The following CADM1 variants were observed in gnomAD, a reference collection of about 807,000 sequenced individuals.
CADM1 encodes the protein cell adhesion molecule 1.
CADM1 carries 15 observed loss-of-function variants against 53.1 expected under a neutral mutation model. The observed-to-expected ratio is 0.28, with a 90% CI of 0.19 to 0.44. The LOEUF is 0.44. Among genes scored for constraint, CADM1 ranks in the 20% least tolerant of loss-of-function variants. The probability of loss-of-function intolerance (pLI) is 1.00; values close to 1 mark genes in which losing one functional copy is unlikely to be tolerated. For synonymous variants in CADM1, 281 were observed against 243.0 expected, an observed-to-expected ratio of 1.16 and a Z score of -1.45; for missense variants, 434 against 611.3, an observed-to-expected ratio of 0.71 and a Z score of 3.06.
Position 115,213,496 on chromosome 11 carries a change from A to AC in CADM1, c.994+1111dup, listed in dbSNP as rs375024107. Among the ~76,000 whole-genome samples, 715 of 151,474 alleles carry AC rather than the reference A, an allele frequency of 4.7e-3. 5 individuals carry two copies. The highest frequency in any genetic ancestry group is 0.016 in the African/African-American group (658 of 41,192). ...AATTTTGCATTATGCTAGGAAAAAA[A>AC]CCTCAGGTATAGGCTAAGGATTATA... On this transcript the variant is annotated intron_variant, in intron 7 of 11. Coordinates refer to ENST00000331581, the MANE Select transcript of CADM1 (RefSeq NM_001301043.2).
chr11:115,305,322 C>T (rs1429866713), intron 1 of CADM1, among the ~76,000 whole-genome samples: 1 of 152,040 alleles, frequency 6.6e-6, no homozygotes, highest in Non-Finnish European at 1.5e-5. Context: ...ATTATATACA[C>T]AGACCTCAAC....
intron 1 of CADM1, among the ~76,000 whole-genome samples, chr11:115,295,285 C>T (rs1944020961): frequency 6.6e-6 from 1 of 151,006 alleles, no homozygotes; most frequent in African/African-American, 2.4e-5. Context: ...CGTCCACCTG[C>T]TCTTCCTTCT....
intron 1 of CADM1, among the ~76,000 whole-genome samples, chr11:115,319,421 A>C (rs1473359084): frequency 6.6e-6 from 1 of 152,160 alleles, no homozygotes; most frequent in African/African-American, 2.4e-5. Flanking sequence ...TTTTTGTGGA[A>C]GCACCATACG....
chr11:115,304,819 T>C (rs891855458), intron 1 of CADM1, among the ~76,000 whole-genome samples: 2 of 152,026 alleles, frequency 1.3e-5, no homozygotes, highest in African/African-American at 4.8e-5. Flanking sequence ...TTTTATTAAG[T>C]GCCTATTGTC....
intron 7 of CADM1, among the ~76,000 whole-genome samples, chr11:115,211,403 A>C (rs560351717): frequency 7.3e-4 from 110 of 151,414 alleles, no homozygotes; most frequent in African/African-American, 2.6e-3. Context: ...TTTTGCTTCA[A>C]TTACTATATC....
intron 1 of CADM1, among the ~76,000 whole-genome samples, chr11:115,418,946 C>T (rs2135265178): frequency 6.6e-6 from 1 of 152,200 alleles, no homozygotes; most frequent in East Asian, 1.9e-4. Flanking sequence ...ATTTAGAATA[C>T]AAATATTACA....
In CADM1 at chr11:115,240,334, C is replaced by T. The variant is rs745679451; in HGVS notation, c.211G>A (p.Asp71Asn). The T allele has an allele frequency of 1.7e-5, 27 of 1,613,564 alleles. 1 individual carries two copies. The South Asian group carries it at 1.8e-4, about 11-fold the overall frequency. The change falls in exon 2 of 12, where the codon GAC (aspartate) becomes AAC (asparagine). Residue 71 changes from aspartate to asparagine, a missense_variant. Around this residue, in one of 4 missense-constraint regions of CADM1, gnomAD observed 31 missense variants for 74.6 expected, o/e 0.42. Coordinates refer to ENST00000331581, the MANE Select transcript of CADM1 (RefSeq NM_001301043.2). ...TISCQVNKSD[D>N]SVIQLLNPNR... ...GGATTCAGTAGCTGAATCACAGAGT[C>T]GTCACTCTTATTGACTTGGCAACTG...
chr11:115,325,103 T>C (rs1014140060), intron 1 of CADM1, among the ~76,000 whole-genome samples: 5 of 152,208 alleles, frequency 3.3e-5, no homozygotes, highest in African/African-American at 1.2e-4. Context: ...TTTAAAGCCA[T>C]TAGCATCCCT....
chr11:115,250,648 T>TA (rs55897126), intron 1 of CADM1, among the ~76,000 whole-genome samples: 1 of 152,362 alleles, frequency 6.6e-6, no homozygotes, highest in Non-Finnish European at 1.5e-5. Flanking sequence ...GATATTCTTT[T>TA]AATCATCTGC....
At chr11:115,383,668 T>C (rs915134313) in intron 1 of CADM1, among the ~76,000 whole-genome samples, 1 of 152,168 alleles carries the variant, frequency 6.6e-6, no homozygotes, top group Non-Finnish European at 1.5e-5. Context: ...TTTCCCCCCA[T>C]GACTTGCTTA....
At chr11:115,384,809 T>C (rs1946659921) in intron 1 of CADM1, among the ~76,000 whole-genome samples, 1 of 152,200 alleles carries the variant, frequency 6.6e-6, no homozygotes, top group South Asian at 2.1e-4. Context: ...AATAATGTTT[T>C]CATTTTAAAC....
intron 1 of CADM1, among the ~76,000 whole-genome samples, chr11:115,295,506 TTATATATATATATATATATATATATATA>T (rs71066412): frequency 2.2e-4 from 12 of 55,056 alleles, no homozygotes; most frequent in Admixed American, 6.1e-4. Context: ...TCAAGATATT[TTATATATATATATATATATATATATATA>T]TATATATATA....
In CADM1 at chr11:115,422,730, A is replaced by G. The variant is rs886647943; in HGVS notation, c.124+81541T>C. 3.3e-5 allele frequency among the ~76,000 whole-genome samples: 5 copies of G among 152,216 alleles called. No homozygotes were observed. In the South Asian group the frequency reaches 1.0e-3, roughly 32 times the overall value. On this transcript the variant is annotated intron_variant, in intron 1 of 11. Transcript: ENST00000331581. ...CCTTTGAAAACATAAGAGAAAAACT[A>G]TAAGCTGATCTTTAACATTAAATAT...
intron 8 of CADM1, among the ~76,000 whole-genome samples, chr11:115,203,340 G>A (rs182423589): frequency 1.1e-3 from 163 of 152,246 alleles, no homozygotes; most frequent in African/African-American, 3.9e-3. Context: ...CTCAGTGGAA[G>A]GGGGTACAGA....
chr11:115,176,239 A>C lies in CADM1; in HGVS notation c.*235T>G. ...AAGTATCCAAGTTTGACTTGGTAGG[A>C]AGAAATAAAAATTAAACAAACAAAC... On this transcript the variant is annotated 3_prime_UTR_variant, in exon 12 of 12. Transcript: ENST00000331581. The C allele has an allele frequency of 2.3e-6, 3 of 1,277,396 alleles. No individual in the cohort carries two copies. Among genetic ancestry groups the C allele is most frequent in the Non-Finnish European group, 3.0e-6 (3 of 1,000,134 alleles). The allele number at this position is 1,277,396 out of a possible 1,614,324, so 79.1% of individuals were successfully genotyped here.
intron 10 of CADM1, among the ~76,000 whole-genome samples, chr11:115,186,086 A>C (rs1939532914): frequency 6.6e-6 from 1 of 152,224 alleles, no homozygotes; most frequent in African/African-American, 2.4e-5. Flanking sequence ...AGCAGGATGC[A>C]GTTCAAACAC....
chr11:115,311,374 C>T (rs1206318161), intron 1 of CADM1, among the ~76,000 whole-genome samples: 3 of 152,126 alleles, frequency 2.0e-5, no homozygotes, highest in African/African-American at 7.2e-5. Flanking sequence ...AAAATATAAT[C>T]ATCCCTCGGG....
chr11:115,242,677 G>A (rs993351374), intron 1 of CADM1, among the ~76,000 whole-genome samples: 5 of 152,156 alleles, frequency 3.3e-5, no homozygotes, highest in Non-Finnish European at 7.3e-5. Context: ...GTCTTACTGG[G>A]TTATGGGAGG....
intron 1 of CADM1, among the ~76,000 whole-genome samples, chr11:115,455,392 C>CAAA (rs796161656): frequency 7.0e-6 from 1 of 142,746 alleles, no homozygotes; most frequent in Non-Finnish European, 1.5e-5. Context: ...ACTTCAAAGG[C>CAAA]AAAAAAAAAA....
Sources: allele counts gnomAD v4.1 joint callset (sites outside exome capture counted in the v4.1 genomes callset), GRCh38; gene constraint gnomAD v4.1.1; regional missense constraint gnomAD v4.1.1; transcripts MANE v1.5; gene names NCBI Gene and HGNC (gene_info 2026-07-23, HGNC 2026-07-21).